ZFAND3: variants seen among roughly 807,000 people sequenced by gnomAD.
ZFAND3 encodes the protein zinc finger AN1-type containing 3.
Under a neutral mutation model 29.6 loss-of-function variants are expected in ZFAND3, and 10 were observed. That is an observed-to-expected ratio of 0.34 (90% CI 0.21 to 0.57). The LOEUF is 0.57. Ranked by LOEUF, ZFAND3 falls within the 20% of genes least tolerant of loss-of-function variation. The probability of loss-of-function intolerance (pLI) is 0.86; values close to 1 mark genes in which losing one functional copy is unlikely to be tolerated. For missense variants in ZFAND3, 230 were observed against 304.5 expected (o/e 0.76, Z 1.82); for synonymous variants, 128 against 112.6 (o/e 1.14, Z -0.87).
intron 2 of ZFAND3, among the ~76,000 whole-genome samples, chr6:37,996,092 G>A (rs1289097377): frequency 6.6e-6 from 1 of 150,750 alleles, no homozygotes; most frequent in East Asian, 1.9e-4. Context: ...TCACACCACT[G>A]TACTCCAGCC....
intron 5 of ZFAND3, among the ~76,000 whole-genome samples, chr6:38,130,305 C>T (rs1328636795): frequency 6.6e-6 from 1 of 152,130 alleles, no homozygotes; most frequent in Non-Finnish European, 1.5e-5. Flanking sequence ...CCCTTTATTT[C>T]TTTCTCTTGT....
intron 2 of ZFAND3, among the ~76,000 whole-genome samples, chr6:37,993,092 T>G (rs1762787942): frequency 6.6e-6 from 1 of 152,216 alleles, no homozygotes; most frequent in Non-Finnish European, 1.5e-5. Context: ...TACACATACA[T>G]TTTTCCATCT....
rs1383919080 is a variant in ZFAND3, at chr6:37,883,895, A to G, written c.72-46064A>G. Among the ~76,000 whole-genome samples the G allele has an allele frequency of 7.6e-5, 11 of 145,078 alleles. 2 individuals carry two copies. Among genetic ancestry groups the G allele is most frequent in the South Asian group, 6.4e-4 (3 of 4,684 alleles). ...TTTCTCCCGTCCACCTAACTAGTTC[A>G]TAATGTATGTTCAGGAGATTCGCCA... On this transcript the variant is annotated intron_variant, in intron 1 of 5. Coordinates refer to ENST00000287218, the MANE Select transcript of ZFAND3 (RefSeq NM_021943.3).
At chr6:37,957,223 A>T (rs1239967883) in intron 2 of ZFAND3, among the ~76,000 whole-genome samples, 1 of 152,138 alleles carries the variant, frequency 6.6e-6, no homozygotes, top group African/African-American at 2.4e-5. Flanking sequence ...ATCTTTTTCT[A>T]GAAGAACTAT....
At chr6:37,909,497 C>T (rs1439527086) in intron 1 of ZFAND3, among the ~76,000 whole-genome samples, 1 of 151,786 alleles carries the variant, frequency 6.6e-6, no homozygotes, top group Non-Finnish European at 1.5e-5. Context: ...CTAGGCTCCT[C>T]TTGAACTCCT....
chr6:37,867,372 C>T (rs1202152014), intron 1 of ZFAND3, among the ~76,000 whole-genome samples: 1 of 152,222 alleles, frequency 6.6e-6, no homozygotes, highest in Non-Finnish European at 1.5e-5. Flanking sequence ...TCTGGTTTCT[C>T]TGTTAAGGAG....
intron 2 of ZFAND3, among the ~76,000 whole-genome samples, chr6:37,990,606 C>CA (rs1762742298): frequency 6.6e-6 from 1 of 151,778 alleles, no homozygotes; most frequent in Admixed American, 6.6e-5. Flanking sequence ...CAAAACAAGG[C>CA]AAAATAAATG....
At chr6:38,071,519 A>G (rs1764453899) in intron 3 of ZFAND3, among the ~76,000 whole-genome samples, 1 of 152,042 alleles carries the variant, frequency 6.6e-6, no homozygotes, top group South Asian at 2.1e-4. Context: ...ATCTGTTCCT[A>G]GGCTCTTTAT....
chr6:37,848,034 T>C (rs1355578569), intron 1 of ZFAND3, among the ~76,000 whole-genome samples: 1 of 152,248 alleles, frequency 6.6e-6, no homozygotes, highest in Non-Finnish European at 1.5e-5. Context: ...AATTCTGCCT[T>C]GTGGAACCTC....
intron 2 of ZFAND3, among the ~76,000 whole-genome samples, chr6:38,044,742 A>G (rs935218810): frequency 1.3e-5 from 2 of 152,184 alleles, no homozygotes; most frequent in African/African-American, 2.4e-5. Flanking sequence ...ATGGTAAATC[A>G]CTTTCATGAA....
chr6:38,143,097 A>C (rs1217508089), intron 5 of ZFAND3: 2 of 152,270 alleles, frequency 1.3e-5, no homozygotes, highest in African/African-American at 4.8e-5. Flanking sequence ...TAAGCGATGG[A>C]AGGTTTGTTC....
Position 37,875,228 on chromosome 6 carries a change from A to G in ZFAND3, c.72-54731A>G, listed in dbSNP as rs190276161. Among the ~76,000 whole-genome samples the G allele has an allele frequency of 2.4e-3, 366 of 152,282 alleles. 2 individuals are homozygous for G. The highest frequency in any genetic ancestry group is 6.8e-3 in the African/African-American group (282 of 41,564). On this transcript the variant is annotated intron_variant, in intron 1 of 5. Transcript: ENST00000287218. Reference sequence around the variant, plus strand: ...ATAATAGACTCACCCTGGCCCCCCAATTGGAGATATTTTTGGGAGTGGATT... The same window carrying G: ...ATAATAGACTCACCCTGGCCCCCCAGTTGGAGATATTTTTGGGAGTGGATT...
intron 2 of ZFAND3, among the ~76,000 whole-genome samples, chr6:38,008,484 G>A (rs1408276729): frequency 6.6e-6 from 1 of 152,162 alleles, no homozygotes; most frequent in Non-Finnish European, 1.5e-5. Flanking sequence ...GGAAACAAAA[G>A]TTGGAATCTG....
At chr6:38,110,741 G>T (rs1245043410) in intron 4 of ZFAND3, among the ~76,000 whole-genome samples, 2 of 152,222 alleles carry the variant, frequency 1.3e-5, no homozygotes, top group East Asian at 1.9e-4. Flanking sequence ...GACGGTGTGG[G>T]TGAAGGGAAT....
At chr6:37,936,873 A>G (rs1761707740) in intron 2 of ZFAND3, among the ~76,000 whole-genome samples, 1 of 152,234 alleles carries the variant, frequency 6.6e-6, no homozygotes, top group African/African-American at 2.4e-5. Flanking sequence ...CTAAGTGTTG[A>G]CATCTAAGGT....
At chr6:37,838,762 T>C (rs1408387729) in intron 1 of ZFAND3, among the ~76,000 whole-genome samples, 2 of 152,246 alleles carry the variant, frequency 1.3e-5, no homozygotes, top group Non-Finnish European at 2.9e-5. Flanking sequence ...CTATTATGAA[T>C]AATACTGCTG....
chr6:38,142,930 C>G (rs1765993614), intron 5 of ZFAND3: 1 of 152,942 alleles, frequency 6.5e-6, no homozygotes, highest in African/African-American at 2.4e-5. Context: ...GCATATGAGC[C>G]TGCAGCCAGC....
At chr6:37,964,603 T>C (rs371321954) in intron 2 of ZFAND3, among the ~76,000 whole-genome samples, 1 of 152,210 alleles carries the variant, frequency 6.6e-6, no homozygotes, top group Admixed American at 6.5e-5. Flanking sequence ...TATTCTTGTA[T>C]GCAGTTTATC....
chr6:38,010,274 C>T (rs866241306), intron 2 of ZFAND3, among the ~76,000 whole-genome samples: 1 of 151,800 alleles, frequency 6.6e-6, no homozygotes, highest in Non-Finnish European at 1.5e-5. Context: ...GGGAAGAGTA[C>T]GCAGAAAAAA....
Sources: allele counts gnomAD v4.1 joint callset (sites outside exome capture counted in the v4.1 genomes callset), GRCh38; gene constraint gnomAD v4.1.1; transcripts MANE v1.5; gene names NCBI Gene and HGNC (gene_info 2026-07-23, HGNC 2026-07-21).